KIRREL2: variants seen among roughly 807,000 people sequenced by gnomAD.
KIRREL2 encodes kirre like nephrin family adhesion molecule 2, also known as kin of IRRE-like protein 2.
KIRREL2 carries 56 observed loss-of-function variants against 73.4 expected under a neutral mutation model. That is an observed-to-expected ratio of 0.76 (90% CI 0.62 to 0.95). KIRREL2 has a LOEUF of 0.95. Among genes scored for constraint, KIRREL2 ranks in the 40% least tolerant of loss-of-function variants. The pLI is 0.00. For synonymous variants in KIRREL2, 407 were observed against 404.0 expected (o/e 1.01, Z -0.09); for missense variants, 896 against 935.0 (o/e 0.96, Z 0.54).
intron 5 of KIRREL2, among the ~76,000 whole-genome samples, 187 bp downstream of exon 5, chr19:35,859,818 G>A (rs1973586170): frequency 6.6e-6 from 1 of 152,200 alleles, no homozygotes; most frequent in Admixed American, 6.5e-5. Flanking sequence ...GTCGAGGCAG[G>A]CGGATCATCT....
Position 35,862,603 on chromosome 19 carries a change from T to G in KIRREL2, c.1615+6T>G. 1.3e-6 allele frequency: 2 copies of G among 1,598,906 alleles called. No homozygotes were observed. The highest frequency in any genetic ancestry group is 8.5e-7 in the Non-Finnish European group (1 of 1,173,818). ...CTGCTGGCGCCACAGCAAGGGTTAG[T>G]GCCTGAGCCCCGCCCCGGCTCCCGA... is the stretch of plus-strand genomic sequence containing the variant. On this transcript the variant is annotated splice_donor_region_variant and intron_variant, in intron 12 of 14. Coordinates refer to ENST00000360202, the MANE Select transcript of KIRREL2 (RefSeq NM_199180.4).
chr19:35,856,756 T>G, upstream of KIRREL2: 12 of 384,740 alleles, frequency 3.1e-5, no homozygotes, highest in East Asian at 1.3e-4. The surrounding 1 kb of genome is among the most constrained non-coding windows in gnomAD (Gnocchi z 5.9). Flanking sequence ...CAGACCCCAA[T>G]TGAGCTGGGG....
intron 13 of KIRREL2, among the ~76,000 whole-genome samples, chr19:35,864,176 T>TTTGTTGTTG (rs113984862): frequency 0.023 from 3,401 of 148,672 alleles, 121 homozygotes; most frequent in East Asian, 0.19. Context: ...ACAGCCCGTT[T>TTTGTTGTTG]TTGTTGTTGT....
intron 13 of KIRREL2, 90 bp downstream of exon 13, chr19:35,863,126 C>T: frequency 1.4e-6 from 1 of 733,080 alleles, no homozygotes; most frequent in Non-Finnish European, 2.4e-6. Context: ...AAATAGGACT[C>T]TAAGGCCAGG....
chr19:35,851,591 G>A, upstream of KIRREL2: 4 of 1,613,968 alleles, frequency 2.5e-6, no homozygotes, highest in South Asian at 2.2e-5. Context: ...CTCCACTGAG[G>A]CCCCCTCCAC....
At chr19:35,858,637 C>T (rs185251042) in intron 3 of KIRREL2, 67 bp from the exon 4 acceptor site, 180 of 1,608,540 alleles carry the variant, frequency 1.1e-4, no homozygotes, top group Non-Finnish European at 1.3e-4. Flanking sequence ...CCCAGGGAGC[C>T]CAGGGGCATG....
rs1481594677 is a variant in KIRREL2 at position 35,858,760 on chromosome 19, G to T, written c.418G>T (p.Val140Phe). The T allele has an allele frequency of 1.9e-6, 3 of 1,614,092 alleles. No individual in the cohort carries two copies. Among genetic ancestry groups the T allele is most frequent in the Non-Finnish European group, 2.5e-6 (3 of 1,180,040 alleles). ...CCCCTCTGTGTCTCTGGTTGCTGGA[G>T]TTCCTGCGAACCTGACATGTCGGAG... ...GGPSVSLVAG[V>F]PANLTCRSRG... is the part of the protein sequence containing the mutation. The change falls in exon 4 of 15, where the codon GTT (valine) becomes TTT (phenylalanine). Residue 140 changes from valine (V) to phenylalanine (F), a missense_variant. Transcript: ENST00000360202.
In KIRREL2 at chr19:35,861,183, A is replaced by G. The variant is rs371683475; in HGVS notation, c.1118A>G (p.Tyr373Cys). 12 of 1,581,020 alleles carry G rather than the reference A, an allele frequency of 7.6e-6. No homozygotes were observed. The highest frequency in any genetic ancestry group is 9.4e-6 in the Non-Finnish European group (11 of 1,166,752). ...GTGGGGCCCGAGGACGCAGGCGACT[A>G]TGTGTGCAGAGCTGAGGCTGGGCTA... ...PSVGPEDAGD[Y>C]VCRAEAGLSG... Residue 373 changes from tyrosine (Y) to cysteine (C), a missense_variant, in exon 9 of 15, where the codon TAT becomes TGT. Tyr to Cys is a radical substitution (Grantham distance 194). Coordinates refer to ENST00000360202, the MANE Select transcript of KIRREL2 (RefSeq NM_199180.4).
At position 35,866,819 on chromosome 19, in the gene KIRREL2, C is replaced by A. The variant is rs1973992722; in HGVS notation, c.*327C>A. 6.4e-6 allele frequency: 3 copies of A among 468,102 alleles called. No homozygotes were observed. The highest frequency in any genetic ancestry group is 7.5e-6 in the Non-Finnish European group (2 of 267,294). 29.0% of individuals were successfully genotyped at this position (468,102 alleles called of 1,614,324 possible). A position where few individuals can be genotyped will look rare whatever the true frequency, so the allele number is the denominator to read the frequency against. Reference sequence around the variant, plus strand: ...GGGCCGGGATGGAAGTTGTTTCTAGCCACTGAAAGAAGATATTTCAAGATG... The same window carrying A: ...GGGCCGGGATGGAAGTTGTTTCTAGACACTGAAAGAAGATATTTCAAGATG... On this transcript the variant is annotated 3_prime_UTR_variant, in exon 15 of 15. Coordinates refer to ENST00000360202, the MANE Select transcript of KIRREL2 (RefSeq NM_199180.4).
intron 2 of KIRREL2, 31 bp from the exon 3 acceptor site, chr19:35,858,377 G>A (rs1599858011): frequency 6.2e-7 from 1 of 1,603,946 alleles, no homozygotes; most frequent in East Asian, 2.2e-5. Context: ...TCAGAACCAT[G>A]GTGTGCTGAC....
rs544292907 is a variant in KIRREL2 at position 35,858,799 on chromosome 19, C to T, written c.457C>T (p.Arg153Cys). Residue 153 changes from arginine (R) to cysteine (C), a missense_variant, in exon 4 of 15, where the codon CGC becomes TGC. Transcript: ENST00000360202. The part of the protein sequence containing the change: ...NLTCRSRGDA[R>C]PTPELLWFRD... ...GACATGTCGGAGCCGTGGGGATGCC[C>T]GCCCTACCCCTGAATTGCTGTGGTT... 59 of 1,614,158 alleles carry T rather than the reference C, an allele frequency of 3.7e-5. No homozygotes were observed. The highest frequency in any genetic ancestry group is 1.0e-4 in the Admixed American group (6 of 60,016).
chr19:35,864,601 C>T (rs1156292046), intron 13 of KIRREL2, 47 bp from the exon 14 acceptor site: 26 of 1,507,712 alleles, frequency 1.7e-5, no homozygotes, highest in Non-Finnish European at 2.2e-5. Context: ...GGCATTGGGG[C>T]GGGGGGATCC....
chr19:35,866,250 T>TC lies in KIRREL2; in HGVS notation c.1891dup (p.Leu631ProfsTer11), dbSNP rs772434350. 1.2e-6 allele frequency: 2 copies of TC among 1,607,112 alleles called. No homozygotes were observed. Among genetic ancestry groups the TC allele is most frequent in the African/African-American group, 2.7e-5 (2 of 74,430 alleles). On this transcript the variant is annotated frameshift_variant, in exon 15 of 15. Coordinates refer to ENST00000360202, the MANE Select transcript of KIRREL2 (RefSeq NM_199180.4). LOFTEE classifies it high-confidence loss of function. ...AGGAGGTCTCTTCCTGCCACCACCC[T>TC]CCCCCCTTGGGCCCCCAGGGACCCC...
At chr19:35,854,689 C>A (rs964899852), upstream of KIRREL2, among the ~76,000 whole-genome samples, 5 of 152,126 alleles carry the variant, frequency 3.3e-5, no homozygotes, top group Non-Finnish European at 7.3e-5. Flanking sequence ...GTTGTTAAAT[C>A]TCAGTCAATC....
Position 35,861,438 on chromosome 19 carries a change from T to C in KIRREL2, c.1190-103T>C, listed in dbSNP as rs1311213424. On this transcript the variant is annotated intron_variant, in intron 9 of 14. Coordinates refer to ENST00000360202, the MANE Select transcript of KIRREL2 (RefSeq NM_199180.4). ...GGAGTTTGGAGGCGGCGTGGCCTGA[T>C]TGATTGAGGTTAGCGGAGAGTGCGC... 4.8e-6 allele frequency: 7 copies of C among 1,451,240 alleles called. No homozygotes were observed. The African/African-American group carries it at 7.1e-5, about 15-fold the overall frequency. 89.9% of individuals were successfully genotyped at this position (1,451,240 alleles called of 1,614,324 possible). A position where few individuals can be genotyped will look rare whatever the true frequency, so the allele number is the denominator to read the frequency against.
At position 35,858,399 on chromosome 19, in the gene KIRREL2, T is replaced by G. The variant is rs1397064139; in HGVS notation, c.212-9T>G. On this transcript the variant is annotated splice_polypyrimidine_tract_variant and intron_variant, in intron 2 of 14. Transcript: ENST00000360202. ...CATGGTGTGCTGACTGCCTTCTCCC[T>G]GACTCCAGGGTGGTCCCGGTACTGG... is the stretch of plus-strand genomic sequence containing the variant. 4 of 1,609,538 alleles carry G rather than the reference T, an allele frequency of 2.5e-6. No individual in the cohort carries two copies. Among genetic ancestry groups the G allele is most frequent in the Non-Finnish European group, 3.4e-6 (4 of 1,176,298 alleles).
chr19:35,862,621 G>T, intron 12 of KIRREL2, 24 bp downstream of exon 12: 1 of 1,560,694 alleles, frequency 6.4e-7, no homozygotes, highest in Non-Finnish European at 8.8e-7. Context: ...CCCCGCCCCG[G>T]CTCCCGAGGC....
chr19:35,857,449 T>C lies in KIRREL2; in HGVS notation c.166T>C (p.Trp56Arg). 1.9e-6 allele frequency: 3 copies of C among 1,612,068 alleles called. No individual in the cohort carries two copies. Among genetic ancestry groups the C allele is most frequent in the South Asian group, 2.2e-5 (2 of 90,844 alleles). ...ALGAYWGLVQ[W>R]TKSGLALGGQ... is the part of the protein sequence containing the mutation. ...GGGCGCCTACTGGGGGCTAGTTCAG[T>C]GGACTAAGAGTGGGCTGGCCCTAGG... is the stretch of plus-strand genomic sequence containing the variant. The change falls in exon 2 of 15, where the codon TGG becomes CGG. Residue 56 changes from tryptophan (W) to arginine (R), a missense_variant. Trp to Arg is a moderately radical substitution (Grantham distance 101, BLOSUM62 -3). Coordinates refer to ENST00000360202, the MANE Select transcript of KIRREL2 (RefSeq NM_199180.4).
At chr19:35,858,956 T>C in intron 4 of KIRREL2, 92 bp downstream of exon 4, 2 of 1,395,440 alleles carry the variant, frequency 1.4e-6, no homozygotes, top group Non-Finnish European at 2.0e-6. Flanking sequence ...GAAGAAGACA[T>C]GGGAGGGCAG....
Sources: allele counts gnomAD v4.1 joint callset (sites outside exome capture counted in the v4.1 genomes callset), GRCh38; gene constraint gnomAD v4.1.1; non-coding constraint Gnocchi (gnomAD v3.1); transcripts MANE v1.5; gene names NCBI Gene and HGNC (gene_info 2026-07-23, HGNC 2026-07-21).